The following PLCG2 variants were observed in gnomAD, a reference collection of about 807,000 sequenced individuals.
The protein encoded by PLCG2 is 1-phosphatidylinositol 4,5-bisphosphate phosphodiesterase gamma-2.
A neutral mutation model predicts 175.6 loss-of-function variants in PLCG2; 69 were observed. The ratio of observed to expected loss-of-function variants is 0.39; its 90% CI spans 0.32 to 0.48. The LOEUF (loss-of-function observed/expected upper bound fraction) is 0.48, where lower values mean the gene tolerates loss of function less well. Among genes scored for constraint, PLCG2 ranks in the 20% least tolerant of loss-of-function variants. The probability of loss-of-function intolerance (pLI) is 0.91; values close to 1 mark genes in which losing one functional copy is unlikely to be tolerated. For synonymous variants in PLCG2, 827 were observed against 624.0 expected (o/e 1.33, Z -4.85); for missense variants, 1,798 against 1,650.9 (o/e 1.09, Z -1.54).
chr16:81,742,817 C>T (rs1829176411), intron 1 of PLCG2, among the ~76,000 whole-genome samples: 1 of 152,220 alleles, frequency 6.6e-6, no homozygotes. Context: ...TTCTGGGACC[C>T]AGCTTCACAG....
At chr16:81,858,849 T>G (rs1024297299) in intron 4 of PLCG2, among the ~76,000 whole-genome samples, 2 of 21,396 alleles carry the variant, frequency 9.3e-5, no homozygotes, top group Non-Finnish European at 1.7e-4. Context: ...CTATTTTTCT[T>G]TCTAGCTTTT....
chr16:81,863,129 G>A (rs953909410), intron 5 of PLCG2, among the ~76,000 whole-genome samples: 6 of 152,032 alleles, frequency 3.9e-5, no homozygotes, highest in Non-Finnish European at 7.4e-5. Context: ...TCATGCTCCC[G>A]TCACCACCAT....
At chr16:81,870,021 A>C (rs777522964) in intron 6 of PLCG2, among the ~76,000 whole-genome samples, 1 of 152,192 alleles carries the variant, frequency 6.6e-6, no homozygotes, top group African/African-American at 2.4e-5. Flanking sequence ...CAAAAAGCTC[A>C]TTTCATTTTT....
intron 18 of PLCG2, 103 bp downstream of exon 18, chr16:81,910,823 C>G: frequency 2.8e-6 from 3 of 1,078,702 alleles, no homozygotes; most frequent in East Asian, 2.4e-5. Context: ...CCCCAGGACA[C>G]CCTCTCCCCA....
Position 81,928,546 on chromosome 16 carries a change from G to A in PLCG2, c.2515-12G>A, listed in dbSNP as rs1466969827. ...TTACAACTAACGTGAGTTATGTCTT[G>A]TTTCTTCACAGATTATTGAAGACAA... On this transcript the variant is annotated splice_polypyrimidine_tract_variant and intron_variant, in intron 23 of 32. Transcript: ENST00000564138. 1.9e-6 allele frequency: 3 copies of A among 1,573,910 alleles called. No individual in the cohort carries two copies. Among genetic ancestry groups the A allele is most frequent in the Non-Finnish European group, 1.7e-6 (2 of 1,143,296 alleles).
At chr16:81,847,316 C>G (rs74029257) in intron 2 of PLCG2, among the ~76,000 whole-genome samples, 3,635 of 152,332 alleles carry the variant, frequency 0.024, 144 homozygotes, top group African/African-American at 0.081. Context: ...AAGAAGCTCT[C>G]TAAGCCCTGT....
chr16:81,951,534 AAAGT>A (rs1379847245), intron 31 of PLCG2, among the ~76,000 whole-genome samples: 1 of 152,236 alleles, frequency 6.6e-6, no homozygotes, highest in Admixed American at 6.5e-5. Flanking sequence ...TCACTCCACC[AAAGT>A]AAGAAGAACA....
chr16:81,828,975 A>C lies in PLCG2; in HGVS notation c.194-25469A>C, dbSNP rs540644138. ...AATTTCCTGTGTGGGCCATTCTCTC[A>C]AACATTGCTAGTCTCAGGAATAGTC... On this transcript the variant is annotated intron_variant, in intron 2 of 32. Coordinates refer to ENST00000564138, the MANE Select transcript of PLCG2 (RefSeq NM_002661.5). 2.6e-5 allele frequency among the ~76,000 whole-genome samples: 4 copies of C among 152,294 alleles called. No individual in the cohort carries two copies. The East Asian group carries it at 7.7e-4, about 29-fold the overall frequency.
chr16:81,868,888 G>A (rs532655757), intron 5 of PLCG2, among the ~76,000 whole-genome samples: 2 of 152,130 alleles, frequency 1.3e-5, no homozygotes, highest in African/African-American at 4.8e-5. Context: ...TCCTCATTGG[G>A]GCATCACTGT....
At chr16:81,792,486 A>G (rs1911281870) in intron 2 of PLCG2, among the ~76,000 whole-genome samples, 1 of 22,012 alleles carries the variant, frequency 4.5e-5, no homozygotes, top group African/African-American at 9.7e-5. Flanking sequence ...GTCTCAAAAA[A>G]AAAAAAAAAA....
chr16:81,809,303 T>C (rs1904298256), intron 2 of PLCG2, among the ~76,000 whole-genome samples: 1 of 152,078 alleles, frequency 6.6e-6, no homozygotes, highest in Non-Finnish European at 1.5e-5. Context: ...TGTTAGTGCC[T>C]CCAGGGGTGG....
chr16:81,923,363 G>A, intron 21 of PLCG2, 122 bp from the exon 22 acceptor site: 1 of 617,056 alleles, frequency 1.6e-6, no homozygotes, highest in South Asian at 2.0e-5. Context: ...AGATGACTTT[G>A]TAACCTTGGC....
intron 2 of PLCG2, among the ~76,000 whole-genome samples, chr16:81,837,506 C>T (rs1057285654): frequency 6.6e-6 from 1 of 152,192 alleles, no homozygotes; most frequent in Non-Finnish European, 1.5e-5. Context: ...GGTAGAATCC[C>T]CTGGGAGGAG....
chr16:81,939,007 T>G, intron 29 of PLCG2, 92 bp downstream of exon 29: 1 of 732,452 alleles, frequency 1.4e-6, no homozygotes. Context: ...TGCAATGCTC[T>G]TTAGTTGTCC....
At chr16:81,750,971 C>CTT (rs34518159) in intron 1 of PLCG2, among the ~76,000 whole-genome samples, 12 of 41,734 alleles carry the variant, frequency 2.9e-4, no homozygotes, top group African/African-American at 1.1e-3. Context: ...CCGCACCCAG[C>CTT]TTTTTTTTTT....
chr16:81,811,617 G>A (rs542991071), intron 2 of PLCG2, among the ~76,000 whole-genome samples: 3 of 152,206 alleles, frequency 2.0e-5, no homozygotes, highest in African/African-American at 7.2e-5. Flanking sequence ...AGAAAATGTG[G>A]TGTTTGGTTT....
intron 2 of PLCG2, among the ~76,000 whole-genome samples, chr16:81,818,484 G>C (rs79159225): frequency 0.041 from 6,233 of 152,196 alleles, 409 homozygotes; most frequent in African/African-American, 0.14. Flanking sequence ...CTGCATGGGT[G>C]AATGCCATTC....
At chr16:81,924,989 G>C (rs994719768) in intron 22 of PLCG2, among the ~76,000 whole-genome samples, 1 of 152,206 alleles carries the variant, frequency 6.6e-6, no homozygotes, top group African/African-American at 2.4e-5. Flanking sequence ...TCCCTGCCTT[G>C]GTCAACATCC....
At chr16:81,954,808 G>T (rs144238446) in intron 31 of PLCG2, among the ~76,000 whole-genome samples, 10 of 152,078 alleles carry the variant, frequency 6.6e-5, no homozygotes, top group Admixed American at 5.9e-4. Context: ...TTACATGTGC[G>T]TGGGTCTTTA....
Sources: allele counts gnomAD v4.1 joint callset (sites outside exome capture counted in the v4.1 genomes callset), GRCh38; gene constraint gnomAD v4.1.1; transcripts MANE v1.5; gene names NCBI Gene and HGNC (gene_info 2026-07-23, HGNC 2026-07-21).